Variants in PPARGC1A observed in about 807,000 individuals in gnomAD.
PPARGC1A encodes peroxisome proliferator-activated receptor gamma coactivator 1-alpha.
Under a neutral mutation model 88.7 loss-of-function variants are expected in PPARGC1A, and 25 were observed. The observed-to-expected ratio is 0.28, with a 90% CI of 0.21 to 0.39. The LOEUF (loss-of-function observed/expected upper bound fraction) is 0.39. Ranked by LOEUF, PPARGC1A falls within the 10% of genes least tolerant of loss-of-function variation. The pLI is 1.00. For missense variants in PPARGC1A, 880 were observed against 968.7 expected, an observed-to-expected ratio of 0.91 and a Z score of 1.22; for synonymous variants, 363 against 355.6, an observed-to-expected ratio of 1.02 and a Z score of -0.24.
rs1272199604 is a variant in PPARGC1A at position 23,889,899 on chromosome 4, C to T, written c.54+5G>A. The stretch of plus-strand genomic sequence containing the variant: ...GCTGCAGCGCCGAGCCCTGCCCCAG[C>T]TCACCTCGATGTCACTCCATACAGA... On this transcript the variant is annotated splice_donor_5th_base_variant and intron_variant, in intron 1 of 12. Transcript: ENST00000264867. The T allele has an allele frequency of 3.7e-6, 6 of 1,613,464 alleles. No individual in the cohort carries two copies. The highest frequency in any genetic ancestry group is 5.1e-6 in the Non-Finnish European group (6 of 1,179,628).
At chr4:23,976,959 GAGGAAA>G in the PPARGC1A span, among the ~76,000 whole-genome samples, 3 of 151,942 alleles carry the variant, frequency 2.0e-5, no homozygotes, top group African/African-American at 7.3e-5. Context: ...GAAGGAAGAA[GAGGAAA>G]AGGAAAAGGA....
the PPARGC1A span, among the ~76,000 whole-genome samples, chr4:24,325,472 C>T: frequency 1.3e-5 from 2 of 152,194 alleles, no homozygotes; most frequent in Admixed American, 6.5e-5. Flanking sequence ...CCTCCTCCCC[C>T]AGGAGCTTGC....
At chr4:23,873,221 A>AAAAAAAAAAAAAAAAAAAAAG (rs1297257881) in intron 2 of PPARGC1A, among the ~76,000 whole-genome samples, 3 of 142,340 alleles carry the variant, frequency 2.1e-5, no homozygotes, top group African/African-American at 8.1e-5. Flanking sequence ...AAAAAATAAA[A>AAAAAAAAAAAAAAAAAAAAAG]AATAAAGAAA....
At chr4:24,221,415 G>A in the PPARGC1A span, among the ~76,000 whole-genome samples, 2 of 152,068 alleles carry the variant, frequency 1.3e-5, no homozygotes, top group Non-Finnish European at 2.9e-5. Context: ...ACTTGTCAAA[G>A]GTCACAGAAT....
chr4:24,197,842 G>A, the PPARGC1A span, among the ~76,000 whole-genome samples: 1 of 152,162 alleles, frequency 6.6e-6, no homozygotes, highest in South Asian at 2.1e-4. Context: ...ATCCCTTTTA[G>A]CTGTAGGGTT....
chr4:24,074,560 C>T, the PPARGC1A span, among the ~76,000 whole-genome samples: 3 of 152,200 alleles, frequency 2.0e-5, no homozygotes, highest in South Asian at 6.2e-4. Context: ...CCTTGTTTAT[C>T]TCACTTTTCC....
At chr4:24,174,022 A>G in the PPARGC1A span, among the ~76,000 whole-genome samples, 271 of 152,308 alleles carry the variant, frequency 1.8e-3, 2 homozygotes, top group African/African-American at 6.4e-3. Flanking sequence ...ATTTGCAGCA[A>G]CAACAACAAA....
the PPARGC1A span, among the ~76,000 whole-genome samples, chr4:24,145,305 T>G: frequency 6.6e-6 from 1 of 152,176 alleles, no homozygotes; most frequent in African/African-American, 2.4e-5. Flanking sequence ...ACCCTGCACT[T>G]GTAACCCTCA....
chr4:23,871,193 C>T (rs1377896417), intron 2 of PPARGC1A, among the ~76,000 whole-genome samples: 1 of 149,702 alleles, frequency 6.7e-6, no homozygotes, highest in African/African-American at 2.5e-5. Context: ...ATGTCTTTGT[C>T]AAAATTTTCA....
At chr4:24,289,242 A>AAAG in the PPARGC1A span, among the ~76,000 whole-genome samples, 2,233 of 95,034 alleles carry the variant, frequency 0.023, 140 homozygotes, top group African/African-American at 0.047. Flanking sequence ...AAAAAAAAAA[A>AAAG]AGAGAGAGAG....
At chr4:24,123,924 AAC>A in the PPARGC1A span, among the ~76,000 whole-genome samples, 14 of 150,156 alleles carry the variant, frequency 9.3e-5, no homozygotes, top group Admixed American at 1.3e-4. Flanking sequence ...AAAAAAAAAA[AAC>A]AAAAAAAACA....
At chr4:24,430,351 G>A in the PPARGC1A span, among the ~76,000 whole-genome samples, 527 of 147,588 alleles carry the variant, frequency 3.6e-3, 4 homozygotes, top group African/African-American at 0.012. Flanking sequence ...CTCCGCTCCT[G>A]GGTTCACGCC....
At chr4:24,304,193 G>A in the PPARGC1A span, among the ~76,000 whole-genome samples, 1 of 152,288 alleles carries the variant, frequency 6.6e-6, no homozygotes, top group Admixed American at 6.5e-5. Flanking sequence ...TAGATGACCT[G>A]CTTGTGTGGC....
At chr4:24,245,056 C>T in the PPARGC1A span, among the ~76,000 whole-genome samples, 1 of 152,180 alleles carries the variant, frequency 6.6e-6, no homozygotes, top group Non-Finnish European at 1.5e-5. Flanking sequence ...AAGGAGAAAA[C>T]TAACATTAGA....
chr4:24,323,691 G>A, the PPARGC1A span, among the ~76,000 whole-genome samples: 2 of 152,198 alleles, frequency 1.3e-5, no homozygotes, highest in African/African-American at 4.8e-5. Flanking sequence ...CCTGTTTGGT[G>A]GTCTCTTCAC....
the PPARGC1A span, among the ~76,000 whole-genome samples, chr4:24,179,378 C>T: frequency 6.6e-6 from 1 of 152,152 alleles, no homozygotes; most frequent in Non-Finnish European, 1.5e-5. Context: ...TCTCTTTCCC[C>T]TTGCATCTGA....
At chr4:24,030,091 G>A in the PPARGC1A span, among the ~76,000 whole-genome samples, 47 of 152,304 alleles carry the variant, frequency 3.1e-4, no homozygotes, top group East Asian at 3.3e-3. Context: ...ACCTATTGAT[G>A]AGGACAACAG....
At chr4:24,364,824 T>A in the PPARGC1A span, among the ~76,000 whole-genome samples, 3 of 152,172 alleles carry the variant, frequency 2.0e-5, no homozygotes, top group South Asian at 4.1e-4. Context: ...ATGAACAGAA[T>A]AATACCCAAC....
the PPARGC1A span, among the ~76,000 whole-genome samples, chr4:24,403,260 A>G: frequency 1.3e-5 from 2 of 152,216 alleles, no homozygotes; most frequent in Non-Finnish European, 2.9e-5. Context: ...GGGTTTTGTA[A>G]TCACTGTACT....
Sources: allele counts gnomAD v4.1 joint callset (sites outside exome capture counted in the v4.1 genomes callset), GRCh38; gene constraint gnomAD v4.1.1; transcripts MANE v1.5; gene names NCBI Gene and HGNC (gene_info 2026-07-23, HGNC 2026-07-21).